PTPRD: variants seen among roughly 807,000 people sequenced by gnomAD.
PTPRD encodes the protein receptor-type tyrosine-protein phosphatase delta.
In PTPRD, 34 loss-of-function variants were observed where a neutral mutation model predicts 214.5. That is an observed-to-expected ratio of 0.16 (90% CI 0.12 to 0.21). The LOEUF (loss-of-function observed/expected upper bound fraction) is 0.21, where lower values mean the gene tolerates loss of function less well. PTPRD is among the 10% of genes least tolerant of loss of function. The probability of loss-of-function intolerance (pLI) is 1.00; values close to 1 mark genes in which losing one functional copy is unlikely to be tolerated. For missense variants in PTPRD, 2,545 were observed against 2,398.7 expected (o/e 1.06, Z -1.27); for synonymous variants, 1,128 against 845.7 (o/e 1.33, Z -5.79).
chr9:10,239,178 G>A (rs2382196), intron 3 of PTPRD, among the ~76,000 whole-genome samples: 84,199 of 151,426 alleles, frequency 0.56, 24,520 homozygotes, highest in East Asian at 0.7. Flanking sequence ...TAATCTTAGA[G>A]AGACTTTCCT....
At chr9:9,969,796 T>G (rs1587753263) in intron 4 of PTPRD, among the ~76,000 whole-genome samples, 1 of 152,200 alleles carries the variant, frequency 6.6e-6, no homozygotes, top group Non-Finnish European at 1.5e-5. Context: ...GCAAAAGATT[T>G]CAAACTTTTA....
chr9:8,865,204 G>A (rs755511545), intron 11 of PTPRD, among the ~76,000 whole-genome samples: 1 of 152,026 alleles, frequency 6.6e-6, no homozygotes, highest in Non-Finnish European at 1.5e-5. Context: ...TTTTCAGAAA[G>A]AACAAATTTT....
At chr9:8,736,775 G>T (rs1169602309) in intron 11 of PTPRD, among the ~76,000 whole-genome samples, 5 of 151,690 alleles carry the variant, frequency 3.3e-5, no homozygotes, top group African/African-American at 1.2e-4. Flanking sequence ...GAATCCAGAA[G>T]CTGGCCAGCT....
intron 3 of PTPRD, among the ~76,000 whole-genome samples, chr9:10,190,413 AAAAAAAAC>A (rs1564422073): frequency 1.3e-5 from 1 of 75,848 alleles, no homozygotes; most frequent in African/African-American, 9.5e-5. Context: ...AAAAAAAAAA[AAAAAAAAC>A]AAAAAGTCAA....
At chr9:9,670,330 C>G (rs181359031) in intron 7 of PTPRD, among the ~76,000 whole-genome samples, 8 of 152,172 alleles carry the variant, frequency 5.3e-5, no homozygotes, top group Admixed American at 3.9e-4. Context: ...CAAGAGGTGA[C>G]TTGGGTGCCA....
chr9:10,057,844 A>T (rs1006962305), intron 3 of PTPRD, among the ~76,000 whole-genome samples: 14 of 114,372 alleles, frequency 1.2e-4, no homozygotes, highest in Admixed American at 4.7e-4. Context: ...TCCGTCTCAA[A>T]AAAAAACAAA....
At chr9:8,681,032 A>G (rs2097539866) in intron 12 of PTPRD, among the ~76,000 whole-genome samples, 1 of 152,098 alleles carries the variant, frequency 6.6e-6, no homozygotes, top group Non-Finnish European at 1.5e-5. Flanking sequence ...ACTTTTTGGT[A>G]TTCCTCCTCT....
chr9:10,177,132 T>G (rs1463847557), intron 3 of PTPRD, among the ~76,000 whole-genome samples: 1 of 151,924 alleles, frequency 6.6e-6, no homozygotes, highest in East Asian at 1.9e-4. Flanking sequence ...TGCTTCACAT[T>G]GTGATTAATA....
chr9:9,871,633 C>G (rs2065466663), intron 5 of PTPRD, among the ~76,000 whole-genome samples: 1 of 150,158 alleles, frequency 6.7e-6, no homozygotes, highest in Non-Finnish European at 1.5e-5. Flanking sequence ...GGTAAGCAAC[C>G]TAACCTCCTT....
intron 3 of PTPRD, among the ~76,000 whole-genome samples, chr9:10,064,909 G>A (rs1016971635): frequency 6.6e-6 from 1 of 151,928 alleles, no homozygotes; most frequent in African/African-American, 2.4e-5. Context: ...ACATATTAAA[G>A]GAGAATGCTG....
chr9:8,771,578 T>C (rs987775020), intron 11 of PTPRD, among the ~76,000 whole-genome samples: 5 of 152,184 alleles, frequency 3.3e-5, no homozygotes, highest in African/African-American at 1.2e-4. Flanking sequence ...AAATTTTCTC[T>C]TTGGTTTGTC....
At chr9:8,985,303 T>A in intron 11 of PTPRD, among the ~76,000 whole-genome samples, 1 of 152,100 alleles carries the variant, frequency 6.6e-6, no homozygotes, top group East Asian at 1.9e-4. Context: ...GGATGCTTTA[T>A]TCAATATAAA....
At chr9:9,738,270 C>T (rs999581204) in intron 6 of PTPRD, among the ~76,000 whole-genome samples, 3 of 149,148 alleles carry the variant, frequency 2.0e-5, no homozygotes, top group Admixed American at 1.3e-4. Flanking sequence ...AAAATTCAAA[C>T]AACAACAACA....
intron 35 of PTPRD, among the ~76,000 whole-genome samples, chr9:8,419,618 A>G (rs1242692602): frequency 6.6e-6 from 1 of 152,058 alleles, no homozygotes; most frequent in Non-Finnish European, 1.5e-5. Flanking sequence ...GAAAAGAAAA[A>G]TATCTATATG....
At chr9:9,426,258 A>C (rs908310673) in intron 8 of PTPRD, among the ~76,000 whole-genome samples, 3 of 152,182 alleles carry the variant, frequency 2.0e-5, no homozygotes, top group Non-Finnish European at 4.4e-5. Context: ...CCAGGAGATT[A>C]TATTCTGCAC....
intron 5 of PTPRD, among the ~76,000 whole-genome samples, chr9:9,832,737 A>G (rs1482615466): frequency 6.6e-6 from 1 of 152,024 alleles, no homozygotes; most frequent in Non-Finnish European, 1.5e-5. Flanking sequence ...ACCTCTCTGG[A>G]TGATGCCTAG....
At chr9:9,400,580 C>A (rs549744207) in intron 8 of PTPRD, among the ~76,000 whole-genome samples, 1 of 152,082 alleles carries the variant, frequency 6.6e-6, no homozygotes, top group East Asian at 1.9e-4. Flanking sequence ...ACCACATCTC[C>A]CCACCCCCTA....
chr9:10,344,753 G>C (rs1468993613), intron 2 of PTPRD, among the ~76,000 whole-genome samples: 1 of 152,078 alleles, frequency 6.6e-6, no homozygotes, highest in Non-Finnish European at 1.5e-5. Context: ...TCCCTGGTAA[G>C]TTGGATACCT....
intron 8 of PTPRD, among the ~76,000 whole-genome samples, chr9:9,516,182 GA>G (rs898368385): frequency 3.3e-5 from 5 of 151,800 alleles, no homozygotes; most frequent in African/African-American, 1.2e-4. Flanking sequence ...TATACCAAAG[GA>G]AAAAAGAGTA....
Sources: gnomAD v4.1 joint callset for allele counts (sites outside exome capture counted in the v4.1 genomes callset) on GRCh38, gnomAD v4.1.1 for gene constraint, MANE v1.5 for transcripts, NCBI Gene and HGNC (gene_info 2026-07-23, HGNC 2026-07-21) for gene names.